The following MSRA variants were observed in gnomAD, a reference collection of about 807,000 sequenced individuals.
The protein encoded by MSRA is methionine sulfoxide reductase A.
In MSRA, 54 loss-of-function variants were observed where a neutral mutation model predicts 31.3. The observed-to-expected ratio is 1.73, with a 90% CI of 1.39 to 2.17. MSRA has a LOEUF of 2.17. MSRA is among the 30% of genes most tolerant of loss of function. The pLI, the probability that MSRA is intolerant of heterozygous loss-of-function variation, is 0.00. For missense variants in MSRA, 507 were observed against 300.9 expected (o/e 1.69, Z -5.07); for synonymous variants, 169 against 116.5 (o/e 1.45, Z -2.90).
intron 5 of MSRA, among the ~76,000 whole-genome samples, chr8:10,372,492 C>T (rs373801511): frequency 5.9e-5 from 9 of 152,128 alleles, no homozygotes; most frequent in East Asian, 3.8e-4. Context: ...GCTGTTTTCC[C>T]GATTTCTAGA....
At chr8:10,247,784 T>C (rs1478583065) in intron 3 of MSRA, among the ~76,000 whole-genome samples, 1 of 152,204 alleles carries the variant, frequency 6.6e-6, no homozygotes, top group Non-Finnish European at 1.5e-5. Flanking sequence ...TTTTTTGTTG[T>C]TGTTGTTCTG....
chr8:10,352,094 C>T (rs1220166200), intron 5 of MSRA, among the ~76,000 whole-genome samples: 1 of 152,180 alleles, frequency 6.6e-6, no homozygotes, highest in Non-Finnish European at 1.5e-5. Context: ...GAAATAGCTT[C>T]CTAGCTCCTG....
intron 3 of MSRA, among the ~76,000 whole-genome samples, chr8:10,258,398 A>G (rs1322932237): frequency 6.6e-6 from 1 of 152,220 alleles, no homozygotes; most frequent in Non-Finnish European, 1.5e-5. Context: ...ACCTGTTATT[A>G]TGTAAAGGCT....
At chr8:10,076,971 G>C (rs572569505) in intron 1 of MSRA, among the ~76,000 whole-genome samples, 40 of 150,534 alleles carry the variant, frequency 2.7e-4, no homozygotes, top group African/African-American at 9.3e-4. Context: ...TGGGTTGATA[G>C]GTAAATGTGT....
At chr8:10,421,712 C>A (rs921112660) in intron 5 of MSRA, among the ~76,000 whole-genome samples, 2 of 152,124 alleles carry the variant, frequency 1.3e-5, no homozygotes, top group African/African-American at 4.8e-5. Context: ...AGGAGTGACC[C>A]GGCTGCTTTT....
At chr8:10,241,177 A>G (rs1469115910) in intron 2 of MSRA, among the ~76,000 whole-genome samples, 2 of 152,038 alleles carry the variant, frequency 1.3e-5, no homozygotes, top group Non-Finnish European at 2.9e-5. Flanking sequence ...GTGCTTCATT[A>G]TCACCCATGT....
intron 1 of MSRA, among the ~76,000 whole-genome samples, chr8:10,104,796 C>T (rs1474511265): frequency 1.3e-5 from 2 of 152,158 alleles, no homozygotes; most frequent in African/African-American, 4.8e-5. Flanking sequence ...ACTGGGTTTT[C>T]AGGTTGACTT....
chr8:10,170,042 ATTTTTTTTTT>A (rs59946635), intron 1 of MSRA, among the ~76,000 whole-genome samples: 3 of 90,386 alleles, frequency 3.3e-5, no homozygotes, highest in South Asian at 3.6e-4. Context: ...CCTGGCTAAT[ATTTTTTTTTT>A]TTTTTTTTTT....
chr8:10,070,591 T>C (rs975791326), intron 1 of MSRA, among the ~76,000 whole-genome samples: 6 of 152,218 alleles, frequency 3.9e-5, no homozygotes, highest in African/African-American at 7.2e-5. Context: ...AGAGTCAATA[T>C]ACAGAACAGT....
In MSRA at chr8:10,324,951, A is replaced by G. The variant is rs142484956; in HGVS notation, c.543+4962A>G. 2.0e-3 allele frequency among the ~76,000 whole-genome samples: 308 copies of G among 152,344 alleles called. 1 individual carries two copies. The highest frequency in any genetic ancestry group is 6.9e-3 in the African/African-American group (285 of 41,582). On this transcript the variant is annotated intron_variant, in intron 5 of 5. Transcript: ENST00000317173. The stretch of plus-strand genomic sequence containing the variant: ...GGTACTGTGTGCCAGGGCAGGAGGC[A>G]AGAGACAAGAGGCACATGGCGTTGA...
At chr8:10,087,221 C>G (rs1318354796) in intron 1 of MSRA, among the ~76,000 whole-genome samples, 1 of 152,188 alleles carries the variant, frequency 6.6e-6, no homozygotes, top group Non-Finnish European at 1.5e-5. Context: ...ATAAATACAA[C>G]AAATACCTAT....
intron 2 of MSRA, among the ~76,000 whole-genome samples, chr8:10,215,914 A>G (rs755866563): frequency 9.2e-5 from 14 of 152,228 alleles, no homozygotes; most frequent in Non-Finnish European, 1.6e-4. Context: ...AAATTTCTAC[A>G]GAGAAAATAC....
intron 5 of MSRA, among the ~76,000 whole-genome samples, chr8:10,359,813 C>T (rs915778032): frequency 6.6e-5 from 10 of 152,172 alleles, no homozygotes; most frequent in Non-Finnish European, 1.2e-4. Context: ...TGCCTTTTCT[C>T]GTGAACAGTG....
chr8:10,143,063 G>A (rs945613628), intron 1 of MSRA, among the ~76,000 whole-genome samples: 7 of 152,110 alleles, frequency 4.6e-5, no homozygotes, highest in African/African-American at 1.4e-4. Context: ...GGCATGCTTT[G>A]ACTTCCCCAG....
intron 1 of MSRA, among the ~76,000 whole-genome samples, chr8:10,166,367 CGTGTATGCATTTGTATGATA>C (rs1563172774): frequency 1.3e-5 from 2 of 151,846 alleles, no homozygotes; most frequent in African/African-American, 4.8e-5. Context: ...ACTGCATGCA[CGTGTATGCATTTGTATGATA>C]GTGTGTGCTC....
At chr8:10,160,355 C>A (rs952288552) in intron 1 of MSRA, among the ~76,000 whole-genome samples, 1 of 151,950 alleles carries the variant, frequency 6.6e-6, no homozygotes, top group East Asian at 2.0e-4. Context: ...ATTAGCCAGG[C>A]GTGGTGGTGG....
At chr8:10,283,864 CACACAT>C (rs1169721772) in intron 3 of MSRA, among the ~76,000 whole-genome samples, 2 of 139,828 alleles carry the variant, frequency 1.4e-5, no homozygotes, top group Admixed American at 7.2e-5. Context: ...CACACACACA[CACACAT>C]ATATATTACA....
At chr8:10,068,467 A>G (rs538143623) in intron 1 of MSRA, among the ~76,000 whole-genome samples, 11 of 152,216 alleles carry the variant, frequency 7.2e-5, no homozygotes, top group Non-Finnish European at 1.5e-4. Context: ...TATGTGATCC[A>G]TTCCAAGTTG....
intron 1 of MSRA, among the ~76,000 whole-genome samples, chr8:10,151,471 G>A (rs1291314476): frequency 5.3e-5 from 8 of 151,530 alleles, no homozygotes; most frequent in East Asian, 1.9e-4. Flanking sequence ...GTGAAACCCC[G>A]TCTCTACTAA....
Sources: gnomAD v4.1 joint callset for allele counts (sites outside exome capture counted in the v4.1 genomes callset) on GRCh38, gnomAD v4.1.1 for gene constraint, MANE v1.5 for transcripts, NCBI Gene and HGNC (gene_info 2026-07-23, HGNC 2026-07-21) for gene names.